The following LTBP1 variants were observed in gnomAD, a reference collection of about 807,000 sequenced individuals.
The protein encoded by LTBP1 is latent-transforming growth factor beta-binding protein 1.
LTBP1 carries 129 observed loss-of-function variants against 207.6 expected under a neutral mutation model. The observed-to-expected ratio is 0.62, with a 90% CI of 0.54 to 0.72. The LOEUF (loss-of-function observed/expected upper bound fraction) is 0.72, where lower values mean the gene tolerates loss of function less well. Ranked by LOEUF, LTBP1 falls within the 30% of genes least tolerant of loss-of-function variation. The pLI is 0.00. For missense variants in LTBP1, 2,281 were observed against 2,217.2 expected (o/e 1.03, Z -0.58); for synonymous variants, 963 against 833.7 (o/e 1.16, Z -2.67).
At chr2:33,391,250 AC>A (rs1209552045) in intron 32 of LTBP1, among the ~76,000 whole-genome samples, 2 of 78,838 alleles carry the variant, frequency 2.5e-5, no homozygotes, top group African/African-American at 4.6e-5. Flanking sequence ...GCCTTTTCCC[AC>A]CCCCCTCCCT....
chr2:32,949,031 G>A, intron 2 of LTBP1, 86 bp downstream of exon 2: 1 of 1,292,018 alleles, frequency 7.7e-7, no homozygotes, highest in South Asian at 1.2e-5. Context: ...AGGGCCACTT[G>A]AAAGGGCTCG....
chr2:33,054,449 T>C (rs756326314), intron 3 of LTBP1, among the ~76,000 whole-genome samples: 5 of 152,136 alleles, frequency 3.3e-5, no homozygotes, highest in Admixed American at 1.3e-4. Flanking sequence ...GACTTCAGGG[T>C]TGATTCCCTC....
chr2:33,336,035 C>T (rs1231225310), intron 24 of LTBP1, among the ~76,000 whole-genome samples: 1 of 152,270 alleles, frequency 6.6e-6, no homozygotes, highest in African/African-American at 2.4e-5. Flanking sequence ...TTCCAAGGGT[C>T]TCCTACAAAA....
At chr2:33,346,240 A>G (rs1333801886) in intron 25 of LTBP1, among the ~76,000 whole-genome samples, 5 of 152,206 alleles carry the variant, frequency 3.3e-5, no homozygotes, top group Non-Finnish European at 7.3e-5. Flanking sequence ...TCTCAAAGGA[A>G]TATGTAATCT....
intron 5 of LTBP1, among the ~76,000 whole-genome samples, chr2:33,159,418 T>C (rs2084272015): frequency 6.6e-6 from 1 of 152,244 alleles, no homozygotes; most frequent in South Asian, 2.1e-4. Flanking sequence ...GTCTAGCACC[T>C]TTTAAAGGTA....
At chr2:33,206,056 T>C (rs979893938) in intron 7 of LTBP1, among the ~76,000 whole-genome samples, 8 of 152,198 alleles carry the variant, frequency 5.3e-5, no homozygotes, top group African/African-American at 1.9e-4. Flanking sequence ...TACGGTATTT[T>C]GTTATGGCAA....
At chr2:33,210,810 C>G (rs760965418) in intron 7 of LTBP1, among the ~76,000 whole-genome samples, 6 of 152,204 alleles carry the variant, frequency 3.9e-5, no homozygotes, top group Non-Finnish European at 8.8e-5. Context: ...GCTGTTCCAT[C>G]TCTTTGGAAT....
chr2:33,262,873 A>C, intron 14 of LTBP1, 52 bp downstream of exon 14: 1 of 1,346,986 alleles, frequency 7.4e-7, no homozygotes, highest in Non-Finnish European at 1.0e-6. Context: ...ATAAAAATGT[A>C]AGACGGGAAA....
chr2:33,120,938 A>G (rs1178524563), intron 4 of LTBP1, among the ~76,000 whole-genome samples: 1 of 152,218 alleles, frequency 6.6e-6, no homozygotes, highest in Admixed American at 6.5e-5. Flanking sequence ...TCAGACTTAC[A>G]TGCAGTTTCT....
At position 32,947,633 on chromosome 2, in the gene LTBP1, G is replaced by A. The variant is rs1306529382; in HGVS notation, c.309G>A (p.Pro103=). Residue 103 remains proline (P), a synonymous_variant, in exon 1 of 34, where the codon CCG becomes CCA. Coordinates refer to ENST00000404816, the MANE Select transcript of LTBP1 (RefSeq NM_206943.4). ...TGCAGGGGCTCAGACCGCCGCCGCC[G>A]CCGCCGCCGGAGCCTGCGCGTCCCG... is the stretch of plus-strand genomic sequence containing the variant. The part of the protein sequence containing the change: ...AALQGLRPPP[P]PPPEPARPAV... 1.3e-5 allele frequency: 17 copies of A among 1,342,688 alleles called. No homozygotes were observed. Among genetic ancestry groups the A allele is most frequent in the Non-Finnish European group, 1.6e-5 (17 of 1,051,416 alleles). The allele number at this position is 1,342,688 out of a possible 1,614,324, so 83.2% of individuals were successfully genotyped here. A position where few individuals can be genotyped will look rare whatever the true frequency, so the allele number is the denominator to read the frequency against.
At chr2:33,249,987 G>A (rs371769942) in intron 10 of LTBP1, among the ~76,000 whole-genome samples, 33 of 152,250 alleles carry the variant, frequency 2.2e-4, no homozygotes, top group Middle Eastern at 3.4e-3. Context: ...AATAATAAAC[G>A]TAGTACACTA....
At chr2:33,001,255 A>G (rs1686028688) in intron 2 of LTBP1, among the ~76,000 whole-genome samples, 1 of 135,644 alleles carries the variant, frequency 7.4e-6, no homozygotes, top group Non-Finnish European at 1.6e-5. Flanking sequence ...ATAGTACCTC[A>G]AGACAGTGAG....
intron 25 of LTBP1, among the ~76,000 whole-genome samples, chr2:33,343,265 G>A (rs1467625473): frequency 1.3e-5 from 2 of 151,820 alleles, no homozygotes; most frequent in Non-Finnish European, 2.9e-5. Context: ...AAAAAAATTA[G>A]CCAGGCTTGA....
intron 7 of LTBP1, among the ~76,000 whole-genome samples, chr2:33,205,082 G>A (rs943297350): frequency 2.6e-5 from 4 of 152,128 alleles, no homozygotes; most frequent in South Asian, 2.1e-4. Flanking sequence ...GACACCACTG[G>A]TGCTGACATA....
At chr2:33,193,708 C>A (rs1290318095) in intron 7 of LTBP1, among the ~76,000 whole-genome samples, 2 of 152,104 alleles carry the variant, frequency 1.3e-5, no homozygotes, top group Admixed American at 1.3e-4. Context: ...ATTGTTGTAT[C>A]TGTTATGGTG....
intron 3 of LTBP1, among the ~76,000 whole-genome samples, chr2:33,084,028 A>C (rs992742320): frequency 6.6e-6 from 1 of 152,292 alleles, no homozygotes; most frequent in South Asian, 2.1e-4. Flanking sequence ...TGTTAATTAA[A>C]TTTGCATTAC....
At position 33,243,722 on chromosome 2, in the gene LTBP1, G is replaced by A; in HGVS notation, c.1937G>A (p.Gly646Asp). ...AATGGTGAGTGTTTGAATACCATGG[G>A]CAGCTATCGATGTACCTGCAAAATA... ...CPNGECLNTM[G>D]SYRCTCKIGF... Residue 646 changes from glycine to aspartate, a missense_variant, in exon 10 of 34, where the codon GGC (glycine) becomes GAC (aspartate). Physicochemically the swap from Gly to Asp is moderately conservative, Grantham distance 94. This residue lies in a region of LTBP1 where 1,671 missense variants were observed against 1,634.8 expected (regional missense o/e 1.02). Coordinates refer to ENST00000404816, the MANE Select transcript of LTBP1 (RefSeq NM_206943.4). 1 of 1,613,834 alleles carries A rather than the reference G, an allele frequency of 6.2e-7. No individual in the cohort carries two copies. The highest frequency in any genetic ancestry group is 8.5e-7 in the Non-Finnish European group (1 of 1,179,772).
intron 7 of LTBP1, among the ~76,000 whole-genome samples, chr2:33,215,711 CTTTTGTTTTTTGT>C (rs1417288569): frequency 4.0e-5 from 5 of 125,998 alleles, no homozygotes; most frequent in African/African-American, 6.0e-5. Context: ...CATTGGTTTT[CTTTTGTTTTTTGT>C]TTTTTTTTTT....
chr2:32,994,414 A>G (rs1485910999), intron 2 of LTBP1, among the ~76,000 whole-genome samples: 2 of 152,148 alleles, frequency 1.3e-5, no homozygotes, highest in Non-Finnish European at 2.9e-5. Flanking sequence ...GGTAGAACCA[A>G]GATTATACCA....
Sources: allele counts gnomAD v4.1 joint callset (sites outside exome capture counted in the v4.1 genomes callset), GRCh38; gene constraint gnomAD v4.1.1; regional missense constraint gnomAD v4.1.1; transcripts MANE v1.5; gene names NCBI Gene and HGNC (gene_info 2026-07-23, HGNC 2026-07-21).